The following RORA variants were observed in gnomAD, a reference collection of about 807,000 sequenced individuals.
RORA encodes the protein RAR related orphan receptor A.
Under a neutral mutation model 69.5 loss-of-function variants are expected in RORA, and 7 were observed. The observed-to-expected ratio is 0.10, with a 90% CI of 0.06 to 0.19. RORA has a LOEUF of 0.19. Among genes scored for constraint, RORA ranks in the 10% least tolerant of loss-of-function variants. The pLI, the probability that RORA is intolerant of heterozygous loss-of-function variation, is 1.00. For missense variants in RORA, 457 were observed against 663.0 expected (o/e 0.69, Z 3.41); for synonymous variants, 261 against 240.8 (o/e 1.08, Z -0.78).
At chr15:60,895,881 A>G (rs1891220052) in intron 1 of RORA, among the ~76,000 whole-genome samples, 1 of 152,226 alleles carries the variant, frequency 6.6e-6, no homozygotes, top group Non-Finnish European at 1.5e-5. Context: ...TTGTGAGGCA[A>G]GAGCTTAAAG....
intron 1 of RORA, among the ~76,000 whole-genome samples, chr15:60,819,504 T>C (rs1315571251): frequency 1.3e-5 from 2 of 152,092 alleles, no homozygotes; most frequent in African/African-American, 4.8e-5. Context: ...AACCTATCAG[T>C]GATTCAATCA....
In RORA at chr15:60,937,903, A is replaced by G. The variant is rs550707794; in HGVS notation, c.167-259217T>C. On this transcript the variant is annotated intron_variant, in intron 1 of 10. Transcript: ENST00000335670. ...AAAACACAGGTTAATACAGAGCACA[A>G]TATCAGTGATAATAGCTAATATTTC... is the stretch of plus-strand genomic sequence containing the variant. Among the ~76,000 whole-genome samples the G allele has an allele frequency of 2.0e-5, 3 of 152,374 alleles. No individual in the cohort carries two copies. The South Asian group carries it at 6.2e-4, about 32-fold the overall frequency.
intron 2 of RORA, among the ~76,000 whole-genome samples, chr15:60,664,103 T>C (rs982994926): frequency 5.9e-5 from 9 of 152,176 alleles, no homozygotes; most frequent in Admixed American, 5.9e-4. Context: ...AATGATACTG[T>C]CCCTGAGTGG....
At chr15:60,759,871 T>C (rs551758091) in intron 1 of RORA, among the ~76,000 whole-genome samples, 1 of 152,356 alleles carries the variant, frequency 6.6e-6, no homozygotes, top group South Asian at 2.1e-4. Context: ...TATGATTTGC[T>C]ATCCTATTTT....
intron 1 of RORA, among the ~76,000 whole-genome samples, chr15:60,818,331 G>A (rs888907800): frequency 6.6e-6 from 1 of 152,152 alleles, no homozygotes; most frequent in African/African-American, 2.4e-5. Flanking sequence ...TTCCACATAA[G>A]AGAAGTGAAG....
intron 1 of RORA, among the ~76,000 whole-genome samples, chr15:60,918,241 C>G (rs1255296452): frequency 6.6e-6 from 1 of 152,202 alleles, no homozygotes; most frequent in Non-Finnish European, 1.5e-5. Flanking sequence ...ATTCAAGGAA[C>G]CATGAGAAAA....
intron 2 of RORA, among the ~76,000 whole-genome samples, chr15:60,669,381 C>T (rs1308567821): frequency 2.7e-5 from 4 of 149,098 alleles, no homozygotes; most frequent in South Asian, 4.3e-4. Flanking sequence ...GTTTTTTTAA[C>T]GTAGTTGGTC....
Position 60,732,639 on chromosome 15 carries a change from T to TTC in RORA, c.167-53955_167-53954dup, listed in dbSNP as rs111468392. ...GTCTGAGATGTGATAATCATTCTCATTCTCTCTCTCTCTCTTAATCACTCG... is the reference window on the plus strand; with the variant it reads ...GTCTGAGATGTGATAATCATTCTCATTCTCTCTCTCTCTCTCTTAATCACTCG... On this transcript the variant is annotated intron_variant, in intron 1 of 10. Transcript: ENST00000335670. Among the ~76,000 whole-genome samples, 130 of 151,198 alleles carry TTC rather than the reference T, an allele frequency of 8.6e-4. 1 individual carries two copies. The highest frequency in any genetic ancestry group is 1.7e-3 in the South Asian group (8 of 4,788).
intron 2 of RORA, among the ~76,000 whole-genome samples, chr15:60,619,334 G>T (rs2069342677): frequency 6.6e-6 from 1 of 152,152 alleles, no homozygotes; most frequent in Admixed American, 6.5e-5. Context: ...TTAGTTTTAT[G>T]CACTGTCAGC....
chr15:60,997,804 C>T (rs1178324498), intron 1 of RORA, among the ~76,000 whole-genome samples: 1 of 152,192 alleles, frequency 6.6e-6, no homozygotes, highest in Non-Finnish European at 1.5e-5. Context: ...TTTCCTTTAA[C>T]TTTGCTTTAG....
At chr15:60,619,655 C>A (rs1250607403) in intron 2 of RORA, among the ~76,000 whole-genome samples, 1 of 152,186 alleles carries the variant, frequency 6.6e-6, no homozygotes, top group East Asian at 1.9e-4. Context: ...GGGAGTTCTG[C>A]CTACAAGTTG....
At chr15:61,127,008 T>C (rs1188597306) in intron 1 of RORA, among the ~76,000 whole-genome samples, 2 of 152,198 alleles carry the variant, frequency 1.3e-5, no homozygotes, top group Non-Finnish European at 2.9e-5. Context: ...ATCCTTCTGG[T>C]AGCAGCAAAC....
chr15:60,999,593 C>T (rs1235882649), intron 1 of RORA, among the ~76,000 whole-genome samples: 2 of 152,332 alleles, frequency 1.3e-5, no homozygotes, highest in African/African-American at 2.4e-5. Flanking sequence ...CTCTCCCACA[C>T]ATGTGCCCAA....
At chr15:60,548,538 T>A (rs553600687) in intron 2 of RORA, among the ~76,000 whole-genome samples, 1 of 152,360 alleles carries the variant, frequency 6.6e-6, no homozygotes, top group East Asian at 1.9e-4. Flanking sequence ...GGAGAATGTG[T>A]TATTTTCTGA....
chr15:60,585,306 T>C (rs1221081343), intron 2 of RORA, among the ~76,000 whole-genome samples: 1 of 152,236 alleles, frequency 6.6e-6, no homozygotes, highest in Non-Finnish European at 1.5e-5. Flanking sequence ...CTAAAAAATA[T>C]GCAAATGAAT....
chr15:60,682,726 C>A (rs2070663585), intron 1 of RORA, among the ~76,000 whole-genome samples: 1 of 152,208 alleles, frequency 6.6e-6, no homozygotes, highest in Non-Finnish European at 1.5e-5. Context: ...TACCGAAGGG[C>A]ATCGAACCAA....
chr15:60,604,674 T>C (rs1567119195), intron 2 of RORA, among the ~76,000 whole-genome samples: 1 of 152,354 alleles, frequency 6.6e-6, no homozygotes, highest in East Asian at 1.9e-4. Context: ...AATCAGTGAA[T>C]ACTTCTTTGA....
chr15:60,682,843 A>G (rs1191493884), intron 1 of RORA, among the ~76,000 whole-genome samples: 3 of 152,194 alleles, frequency 2.0e-5, no homozygotes, highest in African/African-American at 7.2e-5. Context: ...AATGCTCTCT[A>G]CAGAGATAGG....
At chr15:61,197,226 A>G (rs1185874091) in intron 1 of RORA, among the ~76,000 whole-genome samples, 1 of 152,256 alleles carries the variant, frequency 6.6e-6, no homozygotes, top group African/African-American at 2.4e-5. Flanking sequence ...CTACATGGCA[A>G]TAAAGGCACT....
Sources: allele counts gnomAD v4.1 joint callset (sites outside exome capture counted in the v4.1 genomes callset), GRCh38; gene constraint gnomAD v4.1.1; transcripts MANE v1.5; gene names NCBI Gene and HGNC (gene_info 2026-07-23, HGNC 2026-07-21).